The following GTPBP1 variants were observed in gnomAD, a reference collection of about 807,000 sequenced individuals.
GTPBP1 encodes GTP-binding protein 1.
GTPBP1 carries 23 observed loss-of-function variants against 62.0 expected under a neutral mutation model. The ratio of observed to expected loss-of-function variants is 0.37; its 90% confidence interval spans 0.27 to 0.53. The LOEUF (loss-of-function observed/expected upper bound fraction) is 0.53, where lower values mean the gene tolerates loss of function less well. Among genes scored for constraint, GTPBP1 ranks in the 20% least tolerant of loss-of-function variants. The probability of loss-of-function intolerance (pLI) is 0.89; values close to 1 mark genes in which losing one functional copy is unlikely to be tolerated. For missense variants in GTPBP1, 640 were observed against 917.3 expected (o/e 0.70, Z 3.90); for synonymous variants, 344 against 364.4 (o/e 0.94, Z 0.64).
chr22:38,742,610 C>T (rs8136768), downstream of GTPBP1: 2,990 of 1,555,910 alleles, frequency 1.9e-3, 63 homozygotes, highest in African/African-American at 0.036. Flanking sequence ...GATAGTGCTT[C>T]CCAAAGACCA....
chr22:38,741,046 G>C (rs2092853134), downstream of GTPBP1: 1 of 1,597,318 alleles, frequency 6.3e-7, no homozygotes, highest in African/African-American at 1.3e-5. Context: ...GCGAGCCTCG[G>C]ACTCCTGTGT....
downstream of GTPBP1, chr22:38,737,798 C>T (rs138705): frequency 0.27 from 118,751 of 433,284 alleles, 17,690 homozygotes; most frequent in East Asian, 0.46. The surrounding 1 kb of genome is among the most constrained non-coding windows in gnomAD (Gnocchi z 4.1). Context: ...AAGTTTAAGC[C>T]GCATGCACTG....
rs1196346418 is a variant in GTPBP1 at position 38,716,332 on chromosome 22, G to A, written c.485+245G>A. 1.5e-5 allele frequency: 9 copies of A among 584,208 alleles called. No homozygotes were observed. The East Asian group carries it at 2.6e-4, about 17-fold the overall frequency. 36.2% of individuals were successfully genotyped at this position (584,208 alleles called of 1,614,324 possible). A position where few individuals can be genotyped will look rare whatever the true frequency, so the allele number is the denominator to read the frequency against. On this transcript the variant is annotated intron_variant, in intron 3 of 11. Coordinates refer to ENST00000216044, the MANE Select transcript of GTPBP1 (RefSeq NM_004286.5). The surrounding 1 kb of genome is among the most constrained non-coding windows in gnomAD (Gnocchi z 5.2). ...TGTGGGTGTGTTTCTTTTCCCTTCAGCCTGTGAGCCTGGAAACCAGGGTCA... is the reference window on the plus strand; with the variant it reads ...TGTGGGTGTGTTTCTTTTCCCTTCAACCTGTGAGCCTGGAAACCAGGGTCA...
At chr22:38,722,600 T>C in intron 5 of GTPBP1, 1 of 1,128,702 alleles carries the variant, frequency 8.9e-7, no homozygotes, top group Non-Finnish European at 1.2e-6. Context: ...TTAAAAGGCC[T>C]TAGCCATTTA....
chr22:38,715,669 G>A (rs192033177), intron 2 of GTPBP1, among the ~76,000 whole-genome samples: 26 of 152,304 alleles, frequency 1.7e-4, no homozygotes, highest in Admixed American at 3.9e-4. Context: ...GGAGAGCCTC[G>A]GTGGCTGTTG....
At chr22:38,719,524 C>T (rs2092688313) in intron 4 of GTPBP1, among the ~76,000 whole-genome samples, 1 of 151,764 alleles carries the variant, frequency 6.6e-6, no homozygotes, top group Non-Finnish European at 1.5e-5. Flanking sequence ...AGGCTGGTCT[C>T]AAAACTCTTG....
At chr22:38,737,099 G>A (rs2092812426), downstream of GTPBP1, among the ~76,000 whole-genome samples, 1 of 152,084 alleles carries the variant, frequency 6.6e-6, no homozygotes, top group Non-Finnish European at 1.5e-5. The surrounding 1 kb of genome is among the most constrained non-coding windows in gnomAD (Gnocchi z 4.1). Flanking sequence ...CCCTCGCCTT[G>A]GCCTTGCAAA....
chr22:38,714,125 G>C (rs1470643949), intron 2 of GTPBP1, among the ~76,000 whole-genome samples: 1 of 152,222 alleles, frequency 6.6e-6, no homozygotes, highest in Non-Finnish European at 1.5e-5. Context: ...GAAAGGCTGA[G>C]TGGCCAGCAG....
At chr22:38,740,058 G>A (rs2092841262), downstream of GTPBP1, 9 of 1,312,826 alleles carry the variant, frequency 6.9e-6, 1 homozygote, top group South Asian at 1.2e-4. This position sits in a 1 kb window ranked among gnomAD's most constrained non-coding sequence, Gnocchi z 4.8. Flanking sequence ...GAGGCCACTG[G>A]AGGAAAGAGT....
rs1328336458 is a variant in GTPBP1, at chr22:38,716,286, G to A, written c.485+199G>A. ...GGGAAGAGCACGAGAGAGGCCAGCCGTGCATTCTGTGGCCATTCTCTGTGG... is the reference window on the plus strand; with the variant it reads ...GGGAAGAGCACGAGAGAGGCCAGCCATGCATTCTGTGGCCATTCTCTGTGG... On this transcript the variant is annotated intron_variant, in intron 3 of 11. Transcript: ENST00000216044. This position sits in a 1 kb window ranked among gnomAD's most constrained non-coding sequence, Gnocchi z 5.2. 6 of 598,750 alleles carry A rather than the reference G, an allele frequency of 1.0e-5. No homozygotes were observed. Among genetic ancestry groups the A allele is most frequent in the South Asian group, 2.0e-5 (1 of 48,978 alleles). The allele number at this position is 598,750 out of a possible 1,614,324, so 37.1% of individuals were successfully genotyped here.
At chr22:38,738,943 T>G, downstream of GTPBP1, 1 of 1,613,638 alleles carries the variant, frequency 6.2e-7, no homozygotes, top group African/African-American at 1.3e-5. The surrounding 1 kb of genome is among the most constrained non-coding windows in gnomAD (Gnocchi z 6.6). Context: ...GAGGGCCGTC[T>G]TGGTCTCGTA....
At position 38,722,890 on chromosome 22, in the gene GTPBP1, T is replaced by G; in HGVS notation, c.958+1025T>G. On this transcript the variant is annotated intron_variant, in intron 5 of 11. Coordinates refer to ENST00000216044, the MANE Select transcript of GTPBP1 (RefSeq NM_004286.5). ...ACCAAGTGGAGGGTTTCTTCCACGCTTCGGCCCACTGGGAGGTCATTGACG... is the reference window on the plus strand; with the variant it reads ...ACCAAGTGGAGGGTTTCTTCCACGCGTCGGCCCACTGGGAGGTCATTGACG... 21 of 1,291,482 alleles carry G rather than the reference T, an allele frequency of 1.6e-5. No homozygotes were observed. The South Asian group carries it at 2.5e-4, about 15-fold the overall frequency. The allele number at this position is 1,291,482 out of a possible 1,614,324, so 80.0% of individuals were successfully genotyped here. A position where few individuals can be genotyped will look rare whatever the true frequency, so the allele number is the denominator to read the frequency against.
downstream of GTPBP1, chr22:38,741,559 C>A (rs2092858095): frequency 6.2e-7 from 1 of 1,614,056 alleles, no homozygotes; most frequent in Non-Finnish European, 8.5e-7. Context: ...GCTCTCAGGG[C>A]AGACAGTTCT....
At position 38,706,227 on chromosome 22, in the gene GTPBP1, C is replaced by T. The variant is rs537183682; in HGVS notation, c.192+80C>T. 4.1e-5 allele frequency: 38 copies of T among 934,194 alleles called. No homozygotes were observed. The East Asian group carries it at 1.3e-3, about 31-fold the overall frequency. The allele number at this position is 934,194 out of a possible 1,614,324, so 57.9% of individuals were successfully genotyped here. A position where few individuals can be genotyped will look rare whatever the true frequency, so the allele number is the denominator to read the frequency against. On this transcript the variant is annotated intron_variant, in intron 1 of 11. Transcript: ENST00000216044. ...GTCTCCCGGGCGACGGCGGGGCCAG[C>T]GGCCGCCCTGTCCGCGGGGAGCGCG...
downstream of GTPBP1, chr22:38,735,157 C>T: frequency 2.3e-6 from 1 of 436,794 alleles, no homozygotes; most frequent in Non-Finnish European, 4.6e-6. Context: ...GTCCCCTCCT[C>T]CCCCTTCCCT....
In GTPBP1 at chr22:38,705,991, G is replaced by A; in HGVS notation, c.36G>A (p.Ser12=). Residue 12 remains serine, a synonymous_variant, in exon 1 of 12, where the codon TCG becomes TCA. Coordinates refer to ENST00000216044, the MANE Select transcript of GTPBP1 (RefSeq NM_004286.5). The part of the protein sequence containing the change: ...ATERSRSAMD[S]PVPASMFAPE... ...AGCGCAGTCGCTCCGCGATGGACTC[G>A]CCGGTCCCGGCCTCTATGTTCGCCC... 6.9e-7 allele frequency: 1 copy of A among 1,455,040 alleles called. No homozygotes were observed. The highest frequency in any genetic ancestry group is 9.1e-7 in the Non-Finnish European group (1 of 1,102,682). 90.1% of individuals were successfully genotyped at this position (1,455,040 alleles called of 1,614,324 possible). A position where few individuals can be genotyped will look rare whatever the true frequency, so the allele number is the denominator to read the frequency against.
At chr22:38,736,238 T>TA (rs748307914), downstream of GTPBP1, 1 of 1,598,740 alleles carries the variant, frequency 6.3e-7, no homozygotes, top group South Asian at 1.1e-5. Flanking sequence ...CACTCCCAGA[T>TA]GGCTGGCAGC....
chr22:38,725,869 AG>A, intron 6 of GTPBP1, 136 bp from the exon 7 acceptor site: 1 of 783,040 alleles, frequency 1.3e-6, no homozygotes, highest in East Asian at 2.5e-5. Flanking sequence ...CCTTGGAGGC[AG>A]GTGAGGGAGA....
At position 38,716,513 on chromosome 22, in the gene GTPBP1, C is replaced by A; in HGVS notation, c.486-139C>A. ...TAGGAACCTTCCCACTGTGCTCCTC[C>A]GGCTCAAGGAGGAGCTGTGAGCCGG... On this transcript the variant is annotated intron_variant, in intron 3 of 11. Coordinates refer to ENST00000216044, the MANE Select transcript of GTPBP1 (RefSeq NM_004286.5). The surrounding 1 kb of genome is among the most constrained non-coding windows in gnomAD (Gnocchi z 5.2). The A allele has an allele frequency of 3.1e-6, 2 of 654,952 alleles. No individual in the cohort carries two copies. The highest frequency in any genetic ancestry group is 2.7e-6 in the Non-Finnish European group (1 of 374,776). The allele number at this position is 654,952 out of a possible 1,614,324, so 40.6% of individuals were successfully genotyped here. A position where few individuals can be genotyped will look rare whatever the true frequency, so the allele number is the denominator to read the frequency against.
Sources: allele counts gnomAD v4.1 joint callset (sites outside exome capture counted in the v4.1 genomes callset), GRCh38; gene constraint gnomAD v4.1.1; non-coding constraint Gnocchi (gnomAD v3.1); transcripts MANE v1.5; gene names NCBI Gene and HGNC (gene_info 2026-07-23, HGNC 2026-07-21).